SMCHD1: variants seen among roughly 807,000 people sequenced by gnomAD.
SMCHD1 encodes the protein structural maintenance of chromosomes flexible hinge domain containing 1.
Under a neutral mutation model 254.7 loss-of-function variants are expected in SMCHD1, and 78 were observed. The ratio of observed to expected loss-of-function variants is 0.31; its 90% confidence interval spans 0.26 to 0.37. The LOEUF (loss-of-function observed/expected upper bound fraction) is 0.37, where lower values mean the gene tolerates loss of function less well. Ranked by LOEUF, SMCHD1 falls within the 10% of genes least tolerant of loss-of-function variation. The probability of loss-of-function intolerance (pLI) is 1.00; values close to 1 mark genes in which losing one functional copy is unlikely to be tolerated. For synonymous variants in SMCHD1, 766 were observed against 794.9 expected, an observed-to-expected ratio of 0.96 and a Z score of 0.61; for missense variants, 1,840 against 2,408.1, an observed-to-expected ratio of 0.76 and a Z score of 4.94.
At chr18:2,758,369 T>G (rs950351161) in intron 34 of SMCHD1, among the ~76,000 whole-genome samples, 2 of 152,188 alleles carry the variant, frequency 1.3e-5, no homozygotes, top group Non-Finnish European at 2.9e-5. Context: ...AATTTGTATT[T>G]TTTTACCTTC....
At chr18:2,716,144 A>G (rs1198685177) in intron 17 of SMCHD1, among the ~76,000 whole-genome samples, 1 of 152,210 alleles carries the variant, frequency 6.6e-6, no homozygotes, top group African/African-American at 2.4e-5. Context: ...ATTCAGTGAC[A>G]TAGATTATCT....
At chr18:2,704,449 T>A (rs912784711) in intron 13 of SMCHD1, among the ~76,000 whole-genome samples, 1 of 152,106 alleles carries the variant, frequency 6.6e-6, no homozygotes, top group Non-Finnish European at 1.5e-5. Context: ...TGGTGGAGAA[T>A]TCAGAGATAT....
chr18:2,793,656 C>CAAAAAAAAAAAAAAAAAAAA (rs1277905569), intron 45 of SMCHD1, among the ~76,000 whole-genome samples: 57 of 43,850 alleles, frequency 1.3e-3, no homozygotes, highest in East Asian at 6.1e-3. Context: ...GACTCCGTCT[C>CAAAAAAAAAAAAAAAAAAAA]AAAAAAAAAA....
At position 2,718,475 on chromosome 18, in the gene SMCHD1, G is replaced by T; in HGVS notation, c.2458+41G>T. 2 of 1,503,758 alleles carry T rather than the reference G, an allele frequency of 1.3e-6. No homozygotes were observed. 93.2% of individuals were successfully genotyped at this position (1,503,758 alleles called of 1,614,324 possible). On this transcript the variant is annotated intron_variant, in intron 19 of 47. Coordinates refer to ENST00000320876, the MANE Select transcript of SMCHD1 (RefSeq NM_015295.3). This position sits in a 1 kb window ranked among gnomAD's most constrained non-coding sequence, Gnocchi z 4.6. ...ATATATAATTATATATGCTAAAGGTGGCATTTTAAATCCAAAGAGAAAAGA... is the reference window on the plus strand; with the variant it reads ...ATATATAATTATATATGCTAAAGGTTGCATTTTAAATCCAAAGAGAAAAGA...
In SMCHD1 at chr18:2,666,211, G is replaced by A. The variant is rs1254057755; in HGVS notation, c.241G>A (p.Glu81Lys). ...KFVITTTSRK[E>K]ITCDNFDETV... ...TGTTATTACAACAACAAGTAGGAAA[G>A]AAATTACCTGTGATAATTTTGGTAG... Residue 81 changes from glutamate to lysine, a missense_variant, in exon 2 of 48, where the codon GAA (glutamate) becomes AAA (lysine). Physicochemically the swap from Glu to Lys is moderately conservative, Grantham distance 56. This residue lies in a region of SMCHD1 where 37 missense variants were observed against 54.2 expected (regional missense o/e 0.68). Transcript: ENST00000320876. 1.9e-6 allele frequency: 3 copies of A among 1,543,344 alleles called. No individual in the cohort carries two copies. The highest frequency in any genetic ancestry group is 2.7e-6 in the Non-Finnish European group (3 of 1,123,116).
At chr18:2,793,848 CT>C in intron 45 of SMCHD1, among the ~76,000 whole-genome samples, 1 of 152,038 alleles carries the variant, frequency 6.6e-6, no homozygotes, top group Non-Finnish European at 1.5e-5. Context: ...GTCACTCATT[CT>C]AAGTGTAGAT....
intron 13 of SMCHD1, among the ~76,000 whole-genome samples, chr18:2,704,662 C>T (rs576627783): frequency 2.0e-5 from 3 of 146,866 alleles, no homozygotes; most frequent in South Asian, 2.1e-4. Flanking sequence ...CAGAGCAGAT[C>T]GTTAAATACT....
At chr18:2,799,580 A>AATTAC (rs1469814664) in intron 47 of SMCHD1, among the ~76,000 whole-genome samples, 2 of 152,188 alleles carry the variant, frequency 1.3e-5, no homozygotes, top group African/African-American at 4.8e-5. Flanking sequence ...TGTGTGCTAG[A>AATTAC]ATTACACTTC....
At chr18:2,769,870 A>G (rs753042834) in intron 38 of SMCHD1, 50 bp downstream of exon 38, 3 of 1,568,428 alleles carry the variant, frequency 1.9e-6, no homozygotes, top group Non-Finnish European at 2.6e-6. Flanking sequence ...GTGATACTTT[A>G]GATAACCTTG....
chr18:2,673,001 G>A (rs1203152351), intron 3 of SMCHD1: 9 of 868,180 alleles, frequency 1.0e-5, no homozygotes, highest in Non-Finnish European at 1.1e-5. Flanking sequence ...CTTAATGTCT[G>A]TATGTCTGTC....
chr18:2,798,862 C>T (rs1484913116), intron 47 of SMCHD1, among the ~76,000 whole-genome samples: 3 of 152,166 alleles, frequency 2.0e-5, no homozygotes, highest in Non-Finnish European at 2.9e-5. Context: ...CCTCAAGGTG[C>T]AGTTCTAGGC....
In SMCHD1 at chr18:2,705,796, C is replaced by G. The variant is rs763953165; in HGVS notation, c.1945C>G (p.Gln649Glu). ...GEVYATGGEV[Q>E]IAMEPQALYD... ...AGTATATGCTACAGGAGGAGAGGTT[C>G]AAATTGCAATGGTAAGACAGCAAGT... The change falls in exon 14 of 48, where the codon CAA becomes GAA. Residue 649 changes from glutamine (Q) to glutamate (E), a missense_variant. This residue lies in a region of SMCHD1 where 498 missense variants were observed against 743.5 expected (regional missense o/e 0.67). Coordinates refer to ENST00000320876, the MANE Select transcript of SMCHD1 (RefSeq NM_015295.3). 6.3e-7 allele frequency: 1 copy of G among 1,585,764 alleles called. No individual in the cohort carries two copies. The highest frequency in any genetic ancestry group is 1.1e-5 in the South Asian group (1 of 87,966).
At chr18:2,786,154 C>A (rs945378662) in intron 45 of SMCHD1, among the ~76,000 whole-genome samples, 1 of 152,110 alleles carries the variant, frequency 6.6e-6, no homozygotes, top group African/African-American at 2.4e-5. Flanking sequence ...GCTGGGATTA[C>A]AGACATGCGC....
At chr18:2,712,776 G>A (rs950265650) in intron 17 of SMCHD1, among the ~76,000 whole-genome samples, 8 of 152,028 alleles carry the variant, frequency 5.3e-5, no homozygotes, top group East Asian at 3.8e-4. Flanking sequence ...CTCATTTTAC[G>A]CCAAAGTGAT....
At chr18:2,673,009 GTC>G in intron 3 of SMCHD1, 1 of 922,580 alleles carries the variant, frequency 1.1e-6, no homozygotes, top group Non-Finnish European at 1.3e-6. Flanking sequence ...CTGTATGTCT[GTC>G]TTTAGATTAT....
At chr18:2,788,033 C>CT (rs1464982602) in intron 45 of SMCHD1, among the ~76,000 whole-genome samples, 1 of 152,172 alleles carries the variant, frequency 6.6e-6, no homozygotes, top group Non-Finnish European at 1.5e-5. Flanking sequence ...TGCCCACCAC[C>CT]TTCCAGGTCA....
intron 13 of SMCHD1, 131 bp downstream of exon 13, chr18:2,704,017 A>G: frequency 1.5e-6 from 1 of 648,864 alleles, no homozygotes; most frequent in Non-Finnish European, 2.4e-6. Flanking sequence ...CATTTCATGA[A>G]GAACATTTAT....
chr18:2,660,425 A>G (rs1451898946), intron 1 of SMCHD1, among the ~76,000 whole-genome samples: 1 of 151,332 alleles, frequency 6.6e-6, no homozygotes, highest in Non-Finnish European at 1.5e-5. Context: ...AAGATAGTTT[A>G]TGTGTCTTAA....
intron 39 of SMCHD1, among the ~76,000 whole-genome samples, chr18:2,770,903 T>TTA (rs953940690): frequency 1.3e-5 from 2 of 152,180 alleles, no homozygotes; most frequent in Non-Finnish European, 2.9e-5. Flanking sequence ...ATTACAGGTG[T>TTA]TAGCCACCAC....
Sources: allele counts gnomAD v4.1 joint callset (sites outside exome capture counted in the v4.1 genomes callset), GRCh38; gene constraint gnomAD v4.1.1; regional missense constraint gnomAD v4.1.1; non-coding constraint Gnocchi (gnomAD v3.1); transcripts MANE v1.5; gene names NCBI Gene and HGNC (gene_info 2026-07-23, HGNC 2026-07-21).